Variants in SORCS3 observed in about 807,000 individuals in gnomAD.
SORCS3 encodes the protein VPS10 domain-containing receptor SorCS3.
In SORCS3, 57 loss-of-function variants were observed where a neutral mutation model predicts 146.3. The ratio of observed to expected loss-of-function variants is 0.39; its 90% CI spans 0.31 to 0.49. SORCS3 has a LOEUF of 0.49. SORCS3 is among the 20% of genes least tolerant of loss of function. The pLI is 0.92. For missense variants in SORCS3, 1,341 were observed against 1,575.5 expected (o/e 0.85, Z 2.52); for synonymous variants, 653 against 618.5 (o/e 1.06, Z -0.83).
At chr10:104,644,754 T>A (rs1486055385) in intron 1 of SORCS3, among the ~76,000 whole-genome samples, 2 of 152,238 alleles carry the variant, frequency 1.3e-5, no homozygotes, top group African/African-American at 4.8e-5. Context: ...CAGTTTAATT[T>A]TTAACACAAT....
chr10:104,755,909 G>A (rs1193246807), intron 1 of SORCS3, among the ~76,000 whole-genome samples: 1 of 151,976 alleles, frequency 6.6e-6, no homozygotes, highest in Non-Finnish European at 1.5e-5. Flanking sequence ...TTTTTTTGTG[G>A]GGGCTTTTAA....
Position 104,977,834 on chromosome 10 carries a change from C to A in SORCS3, c.954+341C>A, listed in dbSNP as rs545084182. 1.4e-3 allele frequency among the ~76,000 whole-genome samples: 208 copies of A among 149,334 alleles called. 1 individual carries two copies. The highest frequency in any genetic ancestry group is 2.8e-3 in the South Asian group (13 of 4,714). On this transcript the variant is annotated intron_variant, in intron 4 of 26. Transcript: ENST00000369701. ...GTAACCTCTGCCTCCTGGGTTCAAGCGATTCTCCTGCCTCAGCCTCCTGAG... is the reference window on the plus strand; with the variant it reads ...GTAACCTCTGCCTCCTGGGTTCAAGAGATTCTCCTGCCTCAGCCTCCTGAG...
At chr10:105,077,177 A>G (rs34457884) in intron 5 of SORCS3, among the ~76,000 whole-genome samples, 19,251 of 152,186 alleles carry the variant, frequency 0.13, 1,618 homozygotes, top group Middle Eastern at 0.18. Context: ...TTGTGACCCA[A>G]TATAAACTTA....
chr10:105,245,617 G>A lies in SORCS3; in HGVS notation c.2944G>A (p.Ala982Thr). 6.8e-6 allele frequency: 11 copies of A among 1,614,110 alleles called. No individual in the cohort carries two copies. The highest frequency in any genetic ancestry group is 9.3e-6 in the Non-Finnish European group (11 of 1,179,998). Residue 982 changes from alanine (A) to threonine (T), a missense_variant, in exon 21 of 27, where the codon GCT (alanine) becomes ACT (threonine). By Grantham distance (58) the Ala-to-Thr change is moderately conservative. Coordinates refer to ENST00000369701, the MANE Select transcript of SORCS3 (RefSeq NM_014978.3). The stretch of plus-strand genomic sequence containing the variant: ...AACCGACACCATCACAGTCCAGGTG[G>A]CTGCTGGGAATGCCCTCATCCAGGA... ...EGTDTITVQV[A>T]AGNALIQDTK... is the part of the protein sequence containing the mutation.
intron 2 of SORCS3, among the ~76,000 whole-genome samples, chr10:104,868,702 C>T (rs1036589951): frequency 5.3e-5 from 8 of 152,184 alleles, no homozygotes; most frequent in African/African-American, 1.7e-4. Flanking sequence ...ACATAGACAC[C>T]TTCAAGTCAT....
chr10:105,033,305 G>A (rs1473271350), intron 4 of SORCS3, among the ~76,000 whole-genome samples: 2 of 152,152 alleles, frequency 1.3e-5, no homozygotes, highest in Non-Finnish European at 2.9e-5. Flanking sequence ...AGATAGTATG[G>A]TGTAGTAAAA....
At chr10:104,944,381 T>G (rs1394871011) in intron 3 of SORCS3, among the ~76,000 whole-genome samples, 1 of 152,130 alleles carries the variant, frequency 6.6e-6, no homozygotes, top group Non-Finnish European at 1.5e-5. Context: ...TTAAATGAAA[T>G]AAAGAATTAT....
At chr10:104,975,013 A>G (rs1005929555) in intron 3 of SORCS3, among the ~76,000 whole-genome samples, 23 of 152,068 alleles carry the variant, frequency 1.5e-4, no homozygotes, top group Admixed American at 1.2e-3. Context: ...TAAGAATGTC[A>G]AATATTGGCC....
intron 22 of SORCS3, among the ~76,000 whole-genome samples, chr10:105,250,279 T>TG (rs1398792851): frequency 1.3e-5 from 2 of 151,608 alleles, no homozygotes; most frequent in South Asian, 2.1e-4. Context: ...TGAATGGGGG[T>TG]GGGGGGTGCA....
chr10:105,080,602 G>A (rs1319829323), intron 5 of SORCS3, among the ~76,000 whole-genome samples: 3 of 152,066 alleles, frequency 2.0e-5, no homozygotes, highest in African/African-American at 7.2e-5. Context: ...TCTTCATTGT[G>A]AAATCTTCCA....
At chr10:104,843,699 A>G (rs141708177) in intron 2 of SORCS3, among the ~76,000 whole-genome samples, 1 of 152,342 alleles carries the variant, frequency 6.6e-6, no homozygotes, top group Non-Finnish European at 1.5e-5. Flanking sequence ...CGTGTGTTAC[A>G]CACACTTACG....
At chr10:104,724,166 T>G (rs556963368) in intron 1 of SORCS3, among the ~76,000 whole-genome samples, 104 of 152,262 alleles carry the variant, frequency 6.8e-4, no homozygotes, top group African/African-American at 1.9e-3. Context: ...TTTAGGGCAG[T>G]CCTGGTGGTG....
intron 7 of SORCS3, among the ~76,000 whole-genome samples, chr10:105,108,836 C>T (rs573639383): frequency 1.3e-5 from 2 of 152,322 alleles, no homozygotes; most frequent in East Asian, 3.9e-4. Context: ...TAGACAACTA[C>T]ATACAGTGTA....
intron 14 of SORCS3, among the ~76,000 whole-genome samples, chr10:105,179,906 A>ATAAT (rs1159674052): frequency 6.6e-6 from 1 of 152,202 alleles, no homozygotes; most frequent in African/African-American, 2.4e-5. Context: ...ACTTATTAAT[A>ATAAT]AAGTAGGTCA....
intron 4 of SORCS3, among the ~76,000 whole-genome samples, chr10:104,977,994 T>G (rs1471651633): frequency 6.6e-6 from 1 of 152,148 alleles, no homozygotes; most frequent in Non-Finnish European, 1.5e-5. Flanking sequence ...CCTCCCAAAG[T>G]GCTGGGATTA....
At chr10:104,950,209 CA>C (rs2019414106) in intron 3 of SORCS3, among the ~76,000 whole-genome samples, 1 of 152,160 alleles carries the variant, frequency 6.6e-6, no homozygotes, top group Non-Finnish European at 1.5e-5. Flanking sequence ...ATGTTACCCT[CA>C]GAAATAAAGC....
chr10:104,678,310 G>T (rs2015934939), intron 1 of SORCS3, among the ~76,000 whole-genome samples: 1 of 152,126 alleles, frequency 6.6e-6, no homozygotes, highest in South Asian at 2.1e-4. Flanking sequence ...GTTCAGAGCT[G>T]AGAAAGCAGC....
chr10:104,940,837 C>A (rs2019313478), intron 3 of SORCS3, among the ~76,000 whole-genome samples: 1 of 152,104 alleles, frequency 6.6e-6, no homozygotes, highest in South Asian at 2.1e-4. Context: ...GATTCAATGC[C>A]ATCTCCATCA....
At chr10:105,222,295 T>G (rs1267349327) in intron 19 of SORCS3, among the ~76,000 whole-genome samples, 22 of 151,998 alleles carry the variant, frequency 1.4e-4, no homozygotes, top group Admixed American at 1.4e-3. Flanking sequence ...CTACCTCAGG[T>G]GATCCACCCA....
Sources: gnomAD v4.1 joint callset for allele counts (sites outside exome capture counted in the v4.1 genomes callset) on GRCh38, gnomAD v4.1.1 for gene constraint, MANE v1.5 for transcripts, NCBI Gene and HGNC (gene_info 2026-07-23, HGNC 2026-07-21) for gene names.